MYO6: variants seen among roughly 807,000 people sequenced by gnomAD.
MYO6 encodes the protein myosin VI.
In MYO6, 74 loss-of-function variants were observed where a neutral mutation model predicts 178.7. The ratio of observed to expected loss-of-function variants is 0.41; its 90% CI spans 0.34 to 0.50. The LOEUF is 0.50. Among genes scored for constraint, MYO6 ranks in the 20% least tolerant of loss-of-function variants. The pLI is 0.09. For missense variants in MYO6, 1,330 were observed against 1,547.4 expected (o/e 0.86, Z 2.36); for synonymous variants, 477 against 504.6 (o/e 0.95, Z 0.73).
chr6:75,842,965 G>T (rs1204493651), intron 9 of MYO6, among the ~76,000 whole-genome samples: 1 of 152,196 alleles, frequency 6.6e-6, no homozygotes. Context: ...TGAACCAGGA[G>T]GCCTGATTTC....
At chr6:75,913,352 G>A (rs1780905672) in intron 33 of MYO6, among the ~76,000 whole-genome samples, 1 of 152,092 alleles carries the variant, frequency 6.6e-6, no homozygotes, top group Non-Finnish European at 1.5e-5. Context: ...TTTTCTTTTG[G>A]CAAGGAGAAT....
intron 1 of MYO6, among the ~76,000 whole-genome samples, chr6:75,801,377 T>C (rs1002418934): frequency 6.6e-6 from 1 of 151,952 alleles, no homozygotes; most frequent in Non-Finnish European, 1.5e-5. Context: ...TGGTTGTTCT[T>C]GCATGGCTTA....
At chr6:75,779,778 G>A (rs183830821) in intron 1 of MYO6, among the ~76,000 whole-genome samples, 64 of 152,112 alleles carry the variant, frequency 4.2e-4, no homozygotes, top group African/African-American at 1.5e-3. Flanking sequence ...TTTCTCCCTT[G>A]CCTGCTATTC....
Position 75,886,870 on chromosome 6 carries a change from C to T in MYO6, c.2534C>T (p.Thr845Ile), listed in dbSNP as rs55662069. The T allele has an allele frequency of 4.2e-3, 6,781 of 1,613,346 alleles. 15 individuals are homozygous for T. The highest frequency in any genetic ancestry group is 5.3e-3 in the Non-Finnish European group (6,256 of 1,179,594). The change falls in exon 25 of 35, where the codon ACA becomes ATA. Residue 845 changes from threonine to isoleucine, a missense_variant. Transcript: ENST00000369977. ...PRIDGLVKVG[T>I]LKKRLDKFNE... ...ATTGATGGTCTGGTTAAGGTGGGCA[C>T]ACTGAAAAAACGACTTGATAAATTT...
At position 75,780,974 on chromosome 6, in the gene MYO6, G is replaced by A. The variant is rs575010452; in HGVS notation, c.-48+31551G>A. ...ACTATAGGTGCACACCACCACACCT[G>A]GCTAATTTTTGTATTTTTAGTAGAC... On this transcript the variant is annotated intron_variant, in intron 1 of 34. Coordinates refer to ENST00000369977, the MANE Select transcript of MYO6 (RefSeq NM_004999.4). 3.2e-4 allele frequency among the ~76,000 whole-genome samples: 48 copies of A among 151,928 alleles called. 1 individual carries two copies. The South Asian group carries it at 9.6e-3, about 30-fold the overall frequency.
intron 1 of MYO6, among the ~76,000 whole-genome samples, chr6:75,750,322 C>T (rs547270258): frequency 1.3e-5 from 2 of 152,100 alleles, no homozygotes; most frequent in African/African-American, 4.8e-5. Context: ...GTCTTGAAAT[C>T]CTGACCTCTT....
intron 28 of MYO6, among the ~76,000 whole-genome samples, 171 bp downstream of exon 28, chr6:75,892,861 A>T (rs1457181338): frequency 6.6e-6 from 1 of 152,202 alleles, no homozygotes; most frequent in Non-Finnish European, 1.5e-5. Flanking sequence ...ACTCAAGTGA[A>T]TGAGATAATT....
chr6:75,860,599 G>C (rs1302990470), intron 14 of MYO6, among the ~76,000 whole-genome samples: 1 of 152,104 alleles, frequency 6.6e-6, no homozygotes, highest in Non-Finnish European at 1.5e-5. Context: ...TCTCATGGGA[G>C]GAAATATTTA....
At chr6:75,852,278 A>G (rs1386814856) in intron 11 of MYO6, among the ~76,000 whole-genome samples, 1 of 152,222 alleles carries the variant, frequency 6.6e-6, no homozygotes, top group African/African-American at 2.4e-5. Context: ...AGTAATAAGC[A>G]CATTTTCATA....
intron 8 of MYO6, 124 bp from the exon 9 acceptor site, chr6:75,841,090 G>A: frequency 1.1e-6 from 1 of 936,804 alleles, no homozygotes; most frequent in Admixed American, 2.2e-5. Flanking sequence ...CCCTTTATTT[G>A]GTGAATATTA....
intron 24 of MYO6, among the ~76,000 whole-genome samples, chr6:75,886,609 C>G (rs1469721419): frequency 6.6e-6 from 1 of 152,132 alleles, no homozygotes; most frequent in African/African-American, 2.4e-5. Flanking sequence ...AGATTAATTT[C>G]CTCTGTGATT....
chr6:75,793,883 A>G (rs1192258076), intron 1 of MYO6, among the ~76,000 whole-genome samples: 2 of 152,252 alleles, frequency 1.3e-5, no homozygotes, highest in Non-Finnish European at 2.9e-5. Context: ...CAGTTACTCT[A>G]GAATGAAGTC....
intron 1 of MYO6, among the ~76,000 whole-genome samples, chr6:75,800,460 A>G (rs1235672216): frequency 6.6e-6 from 1 of 152,180 alleles, no homozygotes; most frequent in African/African-American, 2.4e-5. Flanking sequence ...GAAGTAGGCT[A>G]AGGTGTCAGA....
Position 75,891,288 on chromosome 6 carries a change from T to C in MYO6, c.2928T>C (p.Asp976=). 1.9e-6 allele frequency: 3 copies of C among 1,608,324 alleles called. No homozygotes were observed. The highest frequency in any genetic ancestry group is 2.6e-6 in the Non-Finnish European group (3 of 1,176,280). Residue 976 remains aspartate, a synonymous_variant, in exon 27 of 35, where the codon GAT becomes GAC. Coordinates refer to ENST00000369977, the MANE Select transcript of MYO6 (RefSeq NM_004999.4). ...AAGAAGAGAGAAAGAAAAGGGAAGA[T>C]GATGAAAAACGCATTCAAGTATGTA... is the stretch of plus-strand genomic sequence containing the variant. ...QEEEERKKRE[D]DEKRIQAEVE...
At chr6:75,879,671 A>C in intron 20 of MYO6, 149 bp from the exon 21 acceptor site, 1 of 1,071,216 alleles carries the variant, frequency 9.3e-7, no homozygotes, top group Non-Finnish European at 1.4e-6. Context: ...CATAATGAGC[A>C]TAAATATTTT....
At chr6:75,822,001 A>G (rs931147030) in intron 2 of MYO6, among the ~76,000 whole-genome samples, 1 of 151,912 alleles carries the variant, frequency 6.6e-6, no homozygotes, top group African/African-American at 2.4e-5. Flanking sequence ...GTTTGTGTCA[A>G]ATATATTTTA....
At chr6:75,910,463 G>A (rs576591130) in intron 32 of MYO6, among the ~76,000 whole-genome samples, 4 of 152,156 alleles carry the variant, frequency 2.6e-5, no homozygotes, top group Middle Eastern at 6.8e-3. Context: ...CAAATAATAC[G>A]TGGCTCACCT....
intron 28 of MYO6, among the ~76,000 whole-genome samples, chr6:75,894,578 C>T (rs1042934246): frequency 2.3e-5 from 3 of 132,000 alleles, no homozygotes; most frequent in African/African-American, 7.6e-5. Context: ...ATGTTCTATA[C>T]AGATATCACA....
At position 75,832,843 on chromosome 6, in the gene MYO6, T is replaced by G; in HGVS notation, c.393T>G (p.Ala131=). 6.2e-7 allele frequency: 1 copy of G among 1,603,672 alleles called. No individual in the cohort carries two copies. The highest frequency in any genetic ancestry group is 8.5e-7 in the Non-Finnish European group (1 of 1,170,484). Residue 131 remains alanine (A), a splice_region_variant and synonymous_variant, in exon 6 of 35, where the codon GCT becomes GCG. Coordinates refer to ENST00000369977, the MANE Select transcript of MYO6 (RefSeq NM_004999.4). ...GTRPPHVFAI[A]DKAFRDMKVL... is the part of the protein sequence containing the mutation. Reference sequence around the variant, plus strand: ...ATTAATGTCTTATTTTGACCCTAGCTGATAAAGCTTTTCGAGACATGAAGG... The same window carrying G: ...ATTAATGTCTTATTTTGACCCTAGCGGATAAAGCTTTTCGAGACATGAAGG...
Sources: allele counts gnomAD v4.1 joint callset (sites outside exome capture counted in the v4.1 genomes callset), GRCh38; gene constraint gnomAD v4.1.1; transcripts MANE v1.5; gene names NCBI Gene and HGNC (gene_info 2026-07-23, HGNC 2026-07-21).